RBFOX2: variants seen among roughly 807,000 people sequenced by gnomAD.
The protein encoded by RBFOX2 is RNA binding fox-1 homolog 2, also known as RNA binding protein fox-1 homolog 2.
A neutral mutation model predicts 49.1 loss-of-function variants in RBFOX2; 10 were observed. The ratio of observed to expected loss-of-function variants is 0.20; its 90% CI spans 0.13 to 0.35. RBFOX2 has a LOEUF of 0.35. Among genes scored for constraint, RBFOX2 ranks in the 10% least tolerant of loss-of-function variants. The pLI, the probability that RBFOX2 is intolerant of heterozygous loss-of-function variation, is 1.00. For missense variants in RBFOX2, 323 were observed against 486.9 expected (o/e 0.66, Z 3.17); for synonymous variants, 183 against 187.4 (o/e 0.98, Z 0.19).
At chr22:35,778,129 A>G (rs748446253) in intron 3 of RBFOX2, 51 bp from the exon 5 acceptor site, 3 of 1,409,818 alleles carry the variant, frequency 2.1e-6, no homozygotes, top group Non-Finnish European at 3.0e-6. Flanking sequence ...TTTTATCCAC[A>G]TATTTTGTTA....
chr22:35,744,157 G>C, exon 12 of RBFOX2: 1 of 1,565,276 alleles, frequency 6.4e-7, no homozygotes, highest in Non-Finnish European at 8.7e-7. Context: ...CAATAGCCAG[G>C]CCTCATGAAC....
chr22:35,821,407 G>C (rs909511396), intron 1 of RBFOX2, among the ~76,000 whole-genome samples: 1 of 151,822 alleles, frequency 6.6e-6, no homozygotes, highest in African/African-American at 2.4e-5. Flanking sequence ...TTCGAGACCA[G>C]CCTGGCCAAC....
At chr22:35,750,923 T>G (rs148165981) in intron 9 of RBFOX2, among the ~76,000 whole-genome samples, 1 of 152,380 alleles carries the variant, frequency 6.6e-6, no homozygotes, top group East Asian at 1.9e-4. Flanking sequence ...TTTAAGATCC[T>G]TTCCAGTGTT....
At chr22:35,939,164 T>C (rs2053436014), upstream of RBFOX2, 3 of 631,688 alleles carry the variant, frequency 4.7e-6, no homozygotes, top group Non-Finnish European at 8.8e-6. Flanking sequence ...CAGTATATCT[T>C]AGGCAGGGTG....
chr22:35,837,714 T>C (rs5755960), intron 1 of RBFOX2, among the ~76,000 whole-genome samples: 4,342 of 152,334 alleles, frequency 0.029, 94 homozygotes, highest in East Asian at 0.042. Context: ...CCTTGCCAGT[T>C]GTATAATTTC....
intron 1 of RBFOX2, among the ~76,000 whole-genome samples, chr22:35,817,969 C>G (rs1406482403): frequency 6.6e-6 from 1 of 151,860 alleles, no homozygotes; most frequent in Non-Finnish European, 1.5e-5. Context: ...CACACACACA[C>G]ACACACACAC....
chr22:35,914,487 A>C (rs1042672718), intron 1 of RBFOX2, among the ~76,000 whole-genome samples: 1 of 152,238 alleles, frequency 6.6e-6, no homozygotes, highest in Admixed American at 6.5e-5. Context: ...TTACTGGCAG[A>C]ATTGGGGCTA....
At chr22:35,775,642 C>T (rs1268880993) in intron 4 of RBFOX2, among the ~76,000 whole-genome samples, 2 of 151,902 alleles carry the variant, frequency 1.3e-5, no homozygotes, top group African/African-American at 4.8e-5. Flanking sequence ...GAGTTTGAGA[C>T]CAGCCTGGCC....
upstream of RBFOX2, among the ~76,000 whole-genome samples, chr22:35,940,980 T>C (rs1428216528): frequency 2.0e-5 from 3 of 152,116 alleles, no homozygotes; most frequent in Non-Finnish European, 4.4e-5. Flanking sequence ...GAGATGACAA[T>C]GTTCTGGAGT....
chr22:35,758,068 A>C (rs1236962242), intron 9 of RBFOX2, among the ~76,000 whole-genome samples: 1 of 152,194 alleles, frequency 6.6e-6, no homozygotes, highest in Admixed American at 6.5e-5. Context: ...GTAATGATTA[A>C]TGATGAAATT....
intron 1 of RBFOX2, among the ~76,000 whole-genome samples, chr22:35,810,397 G>A (rs191874610): frequency 4.6e-5 from 7 of 151,762 alleles, no homozygotes; most frequent in Admixed American, 6.6e-5. Context: ...TAAAAAATAC[G>A]AAAAACAAAA....
At chr22:35,939,032 A>G, upstream of RBFOX2, 1 of 831,792 alleles carries the variant, frequency 1.2e-6, no homozygotes. Flanking sequence ...ATTCCACCCT[A>G]CCTAAGTGTA....
At chr22:35,767,618 A>G (rs944455328) in intron 5 of RBFOX2, among the ~76,000 whole-genome samples, 1 of 152,224 alleles carries the variant, frequency 6.6e-6, no homozygotes, top group Admixed American at 6.5e-5. Flanking sequence ...TCATAATCAC[A>G]GTACATTCGC....
upstream of RBFOX2, among the ~76,000 whole-genome samples, chr22:35,939,920 C>T (rs77940383): frequency 1.2e-4 from 18 of 152,258 alleles, no homozygotes; most frequent in Admixed American, 3.9e-4. Flanking sequence ...CACGTGCACA[C>T]GAAGGAGTAA....
At chr22:35,944,487 T>A (rs2054053754) in intron 1 of RBFOX2, among the ~76,000 whole-genome samples, 1 of 152,170 alleles carries the variant, frequency 6.6e-6, no homozygotes, top group African/African-American at 2.4e-5. Flanking sequence ...AAAGGTACTA[T>A]TTTTTGTAGC....
intron 1 of RBFOX2, among the ~76,000 whole-genome samples, chr22:35,854,892 C>G (rs1337791807): frequency 2.0e-5 from 3 of 151,888 alleles, no homozygotes; most frequent in African/African-American, 4.8e-5. Context: ...AATCTTTTAC[C>G]TATAAGACAA....
chr22:35,812,094 C>T (rs1169140547), intron 1 of RBFOX2, among the ~76,000 whole-genome samples: 1 of 152,050 alleles, frequency 6.6e-6, no homozygotes, highest in South Asian at 2.1e-4. Flanking sequence ...AACTCCATCC[C>T]TATTAAAAAT....
chr22:35,797,691 T>C (rs1949027133), intron 2 of RBFOX2, among the ~76,000 whole-genome samples: 1 of 152,202 alleles, frequency 6.6e-6, no homozygotes, highest in Non-Finnish European at 1.5e-5. Context: ...GCAAATATAG[T>C]GAAAACAGCA....
intron 1 of RBFOX2, among the ~76,000 whole-genome samples, chr22:35,909,480 G>A (rs1341946731): frequency 6.6e-6 from 1 of 152,138 alleles, no homozygotes; most frequent in African/African-American, 2.4e-5. Flanking sequence ...CATTTTACAA[G>A]TTGTCAAAAG....
Sources: allele counts gnomAD v4.1 joint callset (sites outside exome capture counted in the v4.1 genomes callset), GRCh38; gene constraint gnomAD v4.1.1; transcripts MANE v1.5; gene names NCBI Gene and HGNC (gene_info 2026-07-23, HGNC 2026-07-21).